Variants in HDAC7 observed in about 807,000 individuals in gnomAD.
The protein encoded by HDAC7 is histone deacetylase 7.
In HDAC7, 26 loss-of-function variants were observed where a neutral mutation model predicts 115.5. The ratio of observed to expected loss-of-function variants is 0.23; its 90% CI spans 0.16 to 0.31. The LOEUF (loss-of-function observed/expected upper bound fraction) is 0.31. Ranked by LOEUF, HDAC7 falls within the 10% of genes least tolerant of loss-of-function variation. HDAC7 has a pLI of 1.00. For synonymous variants in HDAC7, 564 were observed against 550.9 expected (o/e 1.02, Z -0.33); for missense variants, 1,068 against 1,329.0 (o/e 0.80, Z 3.05).
upstream of HDAC7, among the ~76,000 whole-genome samples, chr12:47,821,239 C>T (rs1273611022): frequency 6.6e-6 from 1 of 152,208 alleles, no homozygotes; most frequent in Non-Finnish European, 1.5e-5. Context: ...CCTAGGAGGG[C>T]TTGGCCATGC....
At position 47,798,843 on chromosome 12, in the gene HDAC7, A is replaced by G; in HGVS notation, c.200T>C (p.Leu67Pro). Residue 67 changes from leucine to proline, a missense_variant, in exon 3 of 26, where the codon CTG (leucine) becomes CCG (proline). By Grantham distance (98) the Leu-to-Pro change is moderately conservative. This residue lies in a region of HDAC7 where 161 missense variants were observed against 158.5 expected (regional missense o/e 1.02). Transcript: ENST00000080059. This position sits in a 1 kb window ranked among gnomAD's most constrained non-coding sequence, Gnocchi z 4.3. ...GCCTGCTAGGAAGAGGTGGTGGTGC[A>G]GGCGCTGGGGACGCTGCAGGGCCAG... ...TLLALQRPQR[L>P]HHHLFLAGLQ... is the part of the protein sequence containing the mutation. 6.4e-7 allele frequency: 1 copy of G among 1,559,992 alleles called. No homozygotes were observed. The highest frequency in any genetic ancestry group is 1.4e-5 in the African/African-American group (1 of 73,756).
chr12:47,815,340 C>G (rs1944821556), intron 1 of HDAC7, among the ~76,000 whole-genome samples: 1 of 152,194 alleles, frequency 6.6e-6, no homozygotes, highest in South Asian at 2.1e-4. Flanking sequence ...CACACACACA[C>G]AGGGGGTACA....
At chr12:47,790,171 T>G in intron 16 of HDAC7, 4 of 496,260 alleles carry the variant, frequency 8.1e-6, no homozygotes, top group South Asian at 4.4e-5. Flanking sequence ...GCATCACGCC[T>G]GCCTCCCCGG....
intron 24 of HDAC7, 76 bp from the exon 25 acceptor site, chr12:47,784,293 GGTTGGT>G (rs1392909055): frequency 6.8e-7 from 1 of 1,467,152 alleles, no homozygotes; most frequent in Non-Finnish European, 9.1e-7. Context: ...CGGATATTGA[GGTTGGT>G]GTCTCAGGCC....
In HDAC7 at chr12:47,796,194, G is replaced by A. The variant is rs779885756; in HGVS notation, c.795+13C>T. 1.2e-5 allele frequency: 19 copies of A among 1,600,092 alleles called. No individual in the cohort carries two copies. Among genetic ancestry groups the A allele is most frequent in the Admixed American group, 7.0e-5 (4 of 56,884 alleles). ...AACTGCCCCAGGAGAGCCCAGTCTC[G>A]GCAAGGCCTTACCTCCGAGCCCAGG... is the stretch of plus-strand genomic sequence containing the variant. On this transcript the variant is annotated intron_variant, in intron 8 of 25. Coordinates refer to ENST00000080059, the MANE Select transcript of HDAC7 (RefSeq NM_015401.5).
chr12:47,788,320 C>G (rs964067226), intron 19 of HDAC7, 156 bp from the exon 20 acceptor site: 1 of 836,976 alleles, frequency 1.2e-6, no homozygotes, highest in Non-Finnish European at 1.8e-6. Flanking sequence ...AGTGGCCCCA[C>G]GTAATCCACT....
Position 47,797,326 on chromosome 12 carries a change from T to G in HDAC7, c.577+58A>C. The G allele has an allele frequency of 4.2e-6, 4 of 962,454 alleles. No individual in the cohort carries two copies. Among genetic ancestry groups the G allele is most frequent in the East Asian group, 4.3e-5 (1 of 23,476 alleles). The allele number at this position is 962,454 out of a possible 1,614,324, so 59.6% of individuals were successfully genotyped here. ...CCCACCCCTGCACACTCCTCCCCCA[T>G]GTCCGAGGCCCTTCCCCCTTCCTTT... On this transcript the variant is annotated intron_variant, in intron 6 of 25. Coordinates refer to ENST00000080059, the MANE Select transcript of HDAC7 (RefSeq NM_015401.5). The surrounding 1 kb of genome is among the most constrained non-coding windows in gnomAD (Gnocchi z 5.5).
chr12:47,792,866 C>T (rs1425670883), intron 13 of HDAC7: 1 of 363,434 alleles, frequency 2.8e-6, no homozygotes, highest in Non-Finnish European at 5.5e-6. Context: ...AAGCAGGATA[C>T]AAAACGTAGT....
At chr12:47,818,191 A>G (rs1030843188) in intron 1 of HDAC7, among the ~76,000 whole-genome samples, 1 of 152,152 alleles carries the variant, frequency 6.6e-6, no homozygotes, top group Non-Finnish European at 1.5e-5. Context: ...CACCCGCCGA[A>G]TAAGGGACAC....
chr12:47,796,920 C>A, intron 7 of HDAC7, 97 bp downstream of exon 7: 1 of 1,404,362 alleles, frequency 7.1e-7, no homozygotes, highest in East Asian at 2.5e-5. Context: ...CATGGCAGTC[C>A]TAAGGAGGGG....
chr12:47,793,587 A>T lies in HDAC7; in HGVS notation c.1460T>A (p.Val487Glu). 1.3e-6 allele frequency: 2 copies of T among 1,533,316 alleles called. No homozygotes were observed. The allele number at this position is 1,533,316 out of a possible 1,614,324, so 95.0% of individuals were successfully genotyped here. A position where few individuals can be genotyped will look rare whatever the true frequency, so the allele number is the denominator to read the frequency against. Reference protein sequence around the residue: ...GPAPLQQHPQVLLWEQQRLAG... With the variant: ...GPAPLQQHPQELLWEQQRLAG... ...CAGTCGCTGCTGTTCCCAGAGCAAC[A>T]CCTAGGGGAAAGATGGGGCCTTGGT... The change falls in exon 13 of 26, where the codon GTG becomes GAG. Residue 487 changes from valine (V) to glutamate (E), a missense_variant and splice_region_variant. Coordinates refer to ENST00000080059, the MANE Select transcript of HDAC7 (RefSeq NM_015401.5). The surrounding 1 kb of genome is among the most constrained non-coding windows in gnomAD (Gnocchi z 4.5).
chr12:47,810,914 A>C (rs1396104390), intron 1 of HDAC7, among the ~76,000 whole-genome samples: 1 of 151,622 alleles, frequency 6.6e-6, no homozygotes, highest in Admixed American at 6.6e-5. Context: ...AGCACCCACA[A>C]GTGCAAAAGG....
At chr12:47,818,029 C>G (rs927595972) in intron 1 of HDAC7, 1 of 152,266 alleles carries the variant, frequency 6.6e-6, no homozygotes, top group Non-Finnish European at 1.5e-5. Flanking sequence ...CATAGTCAAC[C>G]TCTTCTGCTC....
In HDAC7 at chr12:47,797,092, G is replaced by C; in HGVS notation, c.628C>G (p.Arg210Gly). Residue 210 changes from arginine (R) to glycine (G), a missense_variant, in exon 7 of 26, where the codon CGG becomes GGG. Coordinates refer to ENST00000080059, the MANE Select transcript of HDAC7 (RefSeq NM_015401.5). This position sits in a 1 kb window ranked among gnomAD's most constrained non-coding sequence, Gnocchi z 5.5. ...TTTCGGAGCAGTGGATTCTTCCTCC[G>C]CTCCAGGGACTTCTTGGGCTTATAG... is the stretch of plus-strand genomic sequence containing the variant. ...LRYKPKKSLERRKNPLLRKES... is the reference protein window; with the variant it reads ...LRYKPKKSLEGRKNPLLRKES... 3 of 1,608,764 alleles carry C rather than the reference G, an allele frequency of 1.9e-6. No homozygotes were observed. Among genetic ancestry groups the C allele is most frequent in the Non-Finnish European group, 2.5e-6 (3 of 1,177,656 alleles).
rs373121556 is a variant in HDAC7, at chr12:47,797,855, GGTGTGTGTGT to G, written c.461+243_461+252del. 1.7e-4 allele frequency among the ~76,000 whole-genome samples: 21 copies of G among 123,876 alleles called. No individual in the cohort carries two copies. Among genetic ancestry groups the G allele is most frequent in the Admixed American group, 3.2e-4 (4 of 12,438 alleles). The allele number at this position is 123,876 out of a possible 152,430, so 81.3% of individuals were successfully genotyped here. ...TCATGTGCAAGAAAAAAGCCAGTAG[GGTGTGTGTGT>G]GTGTGTGTGTGTGTGTGTGTGTGTG... On this transcript the variant is annotated intron_variant, in intron 5 of 25. Coordinates refer to ENST00000080059, the MANE Select transcript of HDAC7 (RefSeq NM_015401.5). This position sits in a 1 kb window ranked among gnomAD's most constrained non-coding sequence, Gnocchi z 5.5.
intron 1 of HDAC7, among the ~76,000 whole-genome samples, chr12:47,811,288 G>A (rs886766488): frequency 6.6e-6 from 1 of 152,170 alleles, no homozygotes; most frequent in Non-Finnish European, 1.5e-5. Flanking sequence ...TTGAGACTTG[G>A]TTGAAGGGGT....
Position 47,794,751 on chromosome 12 carries a change from C to T in HDAC7, c.1458+9G>A. 1 of 1,568,848 alleles carries T rather than the reference C, an allele frequency of 6.4e-7. No individual in the cohort carries two copies. Among genetic ancestry groups the T allele is most frequent in the Non-Finnish European group, 8.6e-7 (1 of 1,160,332 alleles). On this transcript the variant is annotated intron_variant, in intron 12 of 25. Coordinates refer to ENST00000080059, the MANE Select transcript of HDAC7 (RefSeq NM_015401.5). ...ACACTTTCTGAGGGGCAGGTGGGGA[C>T]TGCCATACCTGAGGGTGCTGCTGGA... is the stretch of plus-strand genomic sequence containing the variant.
At position 47,798,518 on chromosome 12, in the gene HDAC7, C is replaced by T. The variant is rs1272344209; in HGVS notation, c.349+44G>A. On this transcript the variant is annotated intron_variant, in intron 4 of 25. Coordinates refer to ENST00000080059, the MANE Select transcript of HDAC7 (RefSeq NM_015401.5). The surrounding 1 kb of genome is among the most constrained non-coding windows in gnomAD (Gnocchi z 4.3). ...AAGCCACACAGGCAGCCGCAGGCAC[C>T]TGGCTGGTGGGGCTGGGCTGGGCTG... The T allele has an allele frequency of 1.3e-6, 2 of 1,578,462 alleles. No homozygotes were observed. The highest frequency in any genetic ancestry group is 4.5e-5 in the East Asian group (2 of 44,732).
chr12:47,791,758 T>C, intron 14 of HDAC7, 52 bp from the exon 15 acceptor site: 1 of 1,602,966 alleles, frequency 6.2e-7, no homozygotes, highest in Non-Finnish European at 8.5e-7. Flanking sequence ...TTCCCTCCCA[T>C]CACCACCACC....
Sources: gnomAD v4.1 joint callset for allele counts (sites outside exome capture counted in the v4.1 genomes callset) on GRCh38, gnomAD v4.1.1 for gene constraint, gnomAD v4.1.1 regional missense constraint, Gnocchi (gnomAD v3.1) non-coding constraint, MANE v1.5 for transcripts, NCBI Gene and HGNC (gene_info 2026-07-23, HGNC 2026-07-21) for gene names.